The following OR3A3 variants were observed in gnomAD, a reference collection of about 807,000 sequenced individuals.
OR3A3 encodes olfactory receptor family 3 subfamily A member 3, also known as olfactory receptor 3A3.
For synonymous variants in OR3A3, 103 were observed against 163.9 expected, an observed-to-expected ratio of 0.63 and a Z score of 2.84; for missense variants, 275 against 391.4, an observed-to-expected ratio of 0.70 and a Z score of 2.51.
At chr17:3,419,891 G>A (rs534997689) in intron 2 of OR3A3, among the ~76,000 whole-genome samples, 10 of 151,858 alleles carry the variant, frequency 6.6e-5, no homozygotes, top group East Asian at 1.9e-4. Flanking sequence ...TCAGCCTCCC[G>A]AGTAGCTGGG....
At chr17:3,419,989 A>C (rs113620781) in intron 2 of OR3A3, among the ~76,000 whole-genome samples, 25 of 152,162 alleles carry the variant, frequency 1.6e-4, no homozygotes, top group South Asian at 6.2e-4. Context: ...GGATGGTCTC[A>C]ATCTCCTGAC....
chr17:3,421,537 A>G (rs2072435796), exon 3 of OR3A3: 2 of 1,519,402 alleles, frequency 1.3e-6, no homozygotes, highest in South Asian at 1.3e-5. Context: ...GACCTGAGAG[A>G]TGACCTCCTT....
At position 3,421,501 on chromosome 17, in the gene OR3A3, C is replaced by T. The variant is rs1191468933; in HGVS notation, c.916C>T (p.Gln306Ter). The stretch of plus-strand genomic sequence containing the variant: ...TACTGATGTTCAGGGCGCTCTGTGT[C>T]AGCTACTTGTGGGGAAGCGATCACT... Residue 306 changes from glutamine (Q) to a stop codon, truncating the protein, a stop_gained, in exon 3 of 3, where the codon CAG (glutamine) becomes TAG (stop). Coordinates refer to ENST00000641141, the Ensembl canonical transcript of OR3A3. LOFTEE classifies it low-confidence loss of function (END_TRUNC). 1.3e-6 allele frequency: 2 copies of T among 1,540,560 alleles called. No homozygotes were observed. Among genetic ancestry groups the T allele is most frequent in the South Asian group, 1.3e-5 (1 of 78,574 alleles).
intron 2 of OR3A3, among the ~76,000 whole-genome samples, chr17:3,416,333 T>C (rs1190918968): frequency 6.6e-6 from 1 of 152,188 alleles, no homozygotes; most frequent in Non-Finnish European, 1.5e-5. Context: ...CCCAAATACT[T>C]ATGGTTAATT....
At chr17:3,415,744 T>C (rs559067623) in intron 2 of OR3A3, among the ~76,000 whole-genome samples, 3 of 149,344 alleles carry the variant, frequency 2.0e-5, no homozygotes, top group South Asian at 2.1e-4. Flanking sequence ...TTAAACATGA[T>C]GCTGTCTTTG....
At chr17:3,412,741 G>T (rs1214505527) in intron 2 of OR3A3, among the ~76,000 whole-genome samples, 1 of 151,998 alleles carries the variant, frequency 6.6e-6, no homozygotes, top group East Asian at 1.9e-4. Context: ...TTGTCTGTAA[G>T]GTGTGGCCCC....
intron 2 of OR3A3, among the ~76,000 whole-genome samples, chr17:3,415,776 AT>A (rs1198082473): frequency 2.1e-5 from 3 of 143,362 alleles, no homozygotes; most frequent in Non-Finnish European, 4.5e-5. Context: ...GTTTTATTTT[AT>A]TTTTTATTTA....
chr17:3,421,089 G>A (rs1381176239), exon 3 of OR3A3: 6 of 1,613,988 alleles, frequency 3.7e-6, no homozygotes, highest in African/African-American at 2.7e-5. Context: ...CCATGTCCAC[G>A]CTCAACTTCT....
exon 3 of OR3A3, chr17:3,421,296 AAAG>A (rs1352993096): frequency 2.5e-6 from 4 of 1,614,220 alleles, no homozygotes; most frequent in Admixed American, 1.7e-5. Context: ...CTGAGGGCAG[AAAG>A]AAGGCCTTCT....
intron 2 of OR3A3, among the ~76,000 whole-genome samples, chr17:3,412,463 T>C (rs129023): frequency 0.17 from 24,821 of 144,308 alleles, 1,850 homozygotes; most frequent in East Asian, 0.48. Flanking sequence ...TCCAGCGAAG[T>C]CCTTGAGCCT....
intron 2 of OR3A3, among the ~76,000 whole-genome samples, chr17:3,413,395 T>C (rs148059615): frequency 1.6e-3 from 237 of 152,322 alleles, no homozygotes; most frequent in Non-Finnish European, 2.4e-3. Context: ...CAAAAGAACA[T>C]ATGTACAGAG....
At position 3,416,533 on chromosome 17, in the gene OR3A3, G is replaced by A. The variant is rs371600658; in HGVS notation, c.-6-4047G>A. On this transcript the variant is annotated intron_variant, in intron 2 of 2. Coordinates refer to ENST00000641141, the Ensembl canonical transcript of OR3A3. ...TACAAACTTCCCTGTGGCATTTTAC[G>A]GAGATGTTGCTTTTCATTAGTGGCA... Among the ~76,000 whole-genome samples, 4 of 151,516 alleles carry A rather than the reference G, an allele frequency of 2.6e-5. 1 individual carries two copies. The highest frequency in any genetic ancestry group is 4.1e-4 in the South Asian group (2 of 4,824).
chr17:3,416,371 T>C (rs1023609976), intron 2 of OR3A3, among the ~76,000 whole-genome samples: 3 of 152,144 alleles, frequency 2.0e-5, no homozygotes, highest in African/African-American at 7.2e-5. Context: ...GAAATAAATT[T>C]GTTAATCTTT....
In OR3A3 at chr17:3,420,003, G is replaced by A. The variant is rs112106818; in HGVS notation, c.-6-577G>A. On this transcript the variant is annotated intron_variant, in intron 2 of 2. Coordinates refer to ENST00000641141, the Ensembl canonical transcript of OR3A3. The stretch of plus-strand genomic sequence containing the variant: ...AGGATGGTCTCAATCTCCTGACCTC[G>A]TGATCCGCCTGCCTTGGCCTCCCAA... Among the ~76,000 whole-genome samples the A allele has an allele frequency of 7.9e-3, 1,203 of 152,176 alleles. 5 individuals carry two copies. Among genetic ancestry groups the A allele is most frequent in the Non-Finnish European group, 0.012 (798 of 68,002 alleles).
exon 3 of OR3A3, chr17:3,423,896 G>T (rs1489365614): frequency 6.7e-6 from 1 of 149,338 alleles, no homozygotes; most frequent in African/African-American, 2.5e-5. Flanking sequence ...TAGCGCCACT[G>T]CACTCCCGCC....
At chr17:3,415,740 A>G (rs2072387037) in intron 2 of OR3A3, among the ~76,000 whole-genome samples, 1 of 149,320 alleles carries the variant, frequency 6.7e-6, no homozygotes. Context: ...TCTATTAAAC[A>G]TGATGCTGTC....
intron 1 of OR3A3, among the ~76,000 whole-genome samples, chr17:3,411,701 G>A (rs553689377): frequency 4.6e-5 from 7 of 152,200 alleles, no homozygotes; most frequent in Middle Eastern, 3.4e-3. Flanking sequence ...AAAAGAAAAT[G>A]TCTCCTTAGA....
intron 2 of OR3A3, among the ~76,000 whole-genome samples, chr17:3,415,798 AATTATTATTATTATTATT>A (rs71153352): frequency 0.02 from 1,834 of 90,568 alleles, 36 homozygotes; most frequent in African/African-American, 0.057. Context: ...CTTATTTTTA[AATTATTATTATTATTATT>A]ATTATTATTA....
At chr17:3,416,453 C>A (rs1313761783) in intron 2 of OR3A3, among the ~76,000 whole-genome samples, 3 of 147,690 alleles carry the variant, frequency 2.0e-5, no homozygotes, top group African/African-American at 2.5e-5. Flanking sequence ...GCACACTTCG[C>A]AAAAAAAAAA....
Sources: gnomAD v4.1 joint callset for allele counts (sites outside exome capture counted in the v4.1 genomes callset) on GRCh38, gnomAD v4.1.1 for gene constraint, MANE v1.5 for transcripts, NCBI Gene and HGNC (gene_info 2026-07-23, HGNC 2026-07-21) for gene names.